KDM2B: variants seen among roughly 807,000 people sequenced by gnomAD.
KDM2B encodes lysine-specific demethylase 2B.
KDM2B carries 26 observed loss-of-function variants against 150.0 expected under a neutral mutation model. The observed-to-expected ratio is 0.17, with a 90% CI of 0.13 to 0.24. KDM2B has a LOEUF of 0.24. Ranked by LOEUF, KDM2B falls within the 10% of genes least tolerant of loss-of-function variation. The pLI is 1.00. For synonymous variants in KDM2B, 734 were observed against 729.5 expected, an observed-to-expected ratio of 1.01 and a Z score of -0.10; for missense variants, 1,265 against 1,816.9, an observed-to-expected ratio of 0.70 and a Z score of 5.52.
intron 1 of KDM2B, chr12:121,579,793 C>T: frequency 2.3e-6 from 3 of 1,310,000 alleles, no homozygotes; most frequent in South Asian, 2.7e-5. Context: ...TCCCCGATAC[C>T]ACCTCCCCAC....
intron 14 of KDM2B, 72 bp from the exon 15 acceptor site, chr12:121,444,608 G>A (rs1285805857): frequency 6.3e-6 from 8 of 1,278,990 alleles, no homozygotes; most frequent in Non-Finnish European, 8.0e-6. Context: ...GCTCTGTGAC[G>A]CCACGTCTTC....
the KDM2B span, chr12:121,417,834 C>T: frequency 6.2e-7 from 1 of 1,614,112 alleles, no homozygotes; most frequent in Non-Finnish European, 8.5e-7. The surrounding 1 kb of genome is among the most constrained non-coding windows in gnomAD (Gnocchi z 5.0). Flanking sequence ...CTATACAGCC[C>T]CCTCTGCTAC....
chr12:121,478,361 CTTTTT>C (rs34310054), intron 12 of KDM2B, among the ~76,000 whole-genome samples: 1 of 137,034 alleles, frequency 7.3e-6, no homozygotes, highest in South Asian at 2.3e-4. Flanking sequence ...CAAGTAGATC[CTTTTT>C]TTTTTTTTTT....
chr12:121,443,098 C>A, intron 17 of KDM2B, 68 bp from the exon 18 acceptor site: 1 of 1,447,688 alleles, frequency 6.9e-7, no homozygotes, highest in African/African-American at 1.4e-5. Context: ...CCTCGACACC[C>A]CACCCCACCA....
At chr12:121,548,694 G>A (rs1489319146) in intron 6 of KDM2B, among the ~76,000 whole-genome samples, 183 bp downstream of exon 6, 3 of 152,144 alleles carry the variant, frequency 2.0e-5, no homozygotes, top group Non-Finnish European at 4.4e-5. Flanking sequence ...ACCTGCACAC[G>A]CGAAGGACCC....
chr12:121,579,625 A>C, intron 1 of KDM2B: 1 of 1,319,046 alleles, frequency 7.6e-7, no homozygotes, highest in Non-Finnish European at 9.9e-7. Context: ...CAGCTGCCTC[A>C]TCTCCCCACA....
At chr12:121,516,402 T>C in intron 9 of KDM2B, 1 of 976,534 alleles carries the variant, frequency 1.0e-6, no homozygotes, top group Non-Finnish European at 1.4e-6. Flanking sequence ...AAATTTTTAT[T>C]TATTTATTTA....
chr12:121,546,221 G>A (rs782047772), intron 6 of KDM2B, among the ~76,000 whole-genome samples: 16 of 152,038 alleles, frequency 1.1e-4, no homozygotes, highest in Non-Finnish European at 2.1e-4. Flanking sequence ...AGACATAGGC[G>A]CTGAATGAAT....
chr12:121,425,696 G>GC (rs1190993844), downstream of KDM2B, among the ~76,000 whole-genome samples: 1 of 152,102 alleles, frequency 6.6e-6, no homozygotes, highest in Non-Finnish European at 1.5e-5. Context: ...ACTGGCTTGA[G>GC]CAGGTCATGG....
chr12:121,528,759 G>A (rs1455609118), intron 8 of KDM2B, among the ~76,000 whole-genome samples: 4 of 151,426 alleles, frequency 2.6e-5, no homozygotes, highest in African/African-American at 7.3e-5. Context: ...CAGGCGTGGC[G>A]GCACATGCCT....
At position 121,435,551 on chromosome 12, in the gene KDM2B, C is replaced by T. The variant is rs184869478; in HGVS notation, c.3829+4306G>A. ...ACTGGTTGAAAATCTATTCAAGGAGCAGTAAGATGTCCAGATTCCTTCCCC... is the reference window on the plus strand; with the variant it reads ...ACTGGTTGAAAATCTATTCAAGGAGTAGTAAGATGTCCAGATTCCTTCCCC... On this transcript the variant is annotated intron_variant, in intron 22 of 22. Coordinates refer to ENST00000377071, the MANE Select transcript of KDM2B (RefSeq NM_032590.5). Among the ~76,000 whole-genome samples the T allele has an allele frequency of 3.9e-5, 6 of 152,222 alleles. No homozygotes were observed. The East Asian group carries it at 7.7e-4, about 20-fold the overall frequency.
intron 4 of KDM2B, among the ~76,000 whole-genome samples, chr12:121,564,807 G>C (rs535615359): frequency 6.2e-5 from 9 of 146,258 alleles, no homozygotes; most frequent in African/African-American, 2.5e-4. Context: ...ACAAGACAAG[G>C]CAATCTTTTT....
chr12:121,536,716 T>G (rs1405511086), intron 6 of KDM2B, among the ~76,000 whole-genome samples: 1 of 150,296 alleles, frequency 6.7e-6, no homozygotes, highest in East Asian at 2.0e-4. Flanking sequence ...CCTCCAGGCC[T>G]CAGCTGAACA....
chr12:121,441,308 G>C (rs2288154), intron 19 of KDM2B, 75 bp from the exon 20 acceptor site: 538,567 of 1,410,010 alleles, frequency 0.38, 106,170 homozygotes, highest in Admixed American at 0.44. Context: ...GCTCTTAACT[G>C]TCCCCACCTA....
intron 4 of KDM2B, among the ~76,000 whole-genome samples, chr12:121,566,406 GAGGC>G (rs1198282629): frequency 1.3e-5 from 2 of 152,136 alleles, no homozygotes; most frequent in Non-Finnish European, 2.9e-5. Flanking sequence ...CAGGTCACCT[GAGGC>G]CAGGAGTTCG....
chr12:121,564,622 C>CA (rs1890568409), intron 4 of KDM2B, among the ~76,000 whole-genome samples: 1 of 152,022 alleles, frequency 6.6e-6, no homozygotes. Context: ...AAGTCTTCTA[C>CA]AAAAACCCTA....
In KDM2B at chr12:121,537,898, C is replaced by A. The variant is rs1363290201; in HGVS notation, c.684-3308G>T. Among the ~76,000 whole-genome samples the A allele has an allele frequency of 6.6e-6, 1 of 151,334 alleles. No homozygotes were observed. The highest frequency in any genetic ancestry group is 2.4e-5 in the African/African-American group (1 of 41,306). ...CAAAGGAGGGGGCGCCCGGGCAGCG[C>A]GGCCCGCGGTTACCCTCGGCGGCGG... is the stretch of plus-strand genomic sequence containing the variant. On this transcript the variant is annotated intron_variant, in intron 6 of 22. Transcript: ENST00000377071. The surrounding 1 kb of genome is among the most constrained non-coding windows in gnomAD (Gnocchi z 8.7).
At chr12:121,446,530 G>C (rs1206617593) in intron 13 of KDM2B, among the ~76,000 whole-genome samples, 4 of 152,302 alleles carry the variant, frequency 2.6e-5, no homozygotes, top group Non-Finnish European at 5.9e-5. Flanking sequence ...AAAGTGCCTC[G>C]GCACACAGGT....
intron 22 of KDM2B, among the ~76,000 whole-genome samples, chr12:121,436,693 AAC>A (rs1295099358): frequency 6.6e-6 from 1 of 152,114 alleles, no homozygotes; most frequent in Non-Finnish European, 1.5e-5. Flanking sequence ...ACAAGTGAAG[AAC>A]ACAGACGTCC....
Sources: allele counts gnomAD v4.1 joint callset (sites outside exome capture counted in the v4.1 genomes callset), GRCh38; gene constraint gnomAD v4.1.1; non-coding constraint Gnocchi (gnomAD v3.1); transcripts MANE v1.5; gene names NCBI Gene and HGNC (gene_info 2026-07-23, HGNC 2026-07-21).